TRPM3: variants seen among roughly 807,000 people sequenced by gnomAD.
The protein encoded by TRPM3 is transient receptor potential cation channel subfamily M member 3, also known as long transient receptor potential channel 3.
In TRPM3, 77 loss-of-function variants were observed where a neutral mutation model predicts 181.2. That is an observed-to-expected ratio of 0.42 (90% CI 0.35 to 0.51). The LOEUF (loss-of-function observed/expected upper bound fraction) is 0.51. Among genes scored for constraint, TRPM3 ranks in the 20% least tolerant of loss-of-function variants. The pLI is 0.01. For missense variants in TRPM3, 1,759 were observed against 2,196.7 expected (o/e 0.80, Z 3.98); for synonymous variants, 745 against 796.4 (o/e 0.94, Z 1.09).
At chr9:71,019,550 T>C (rs1484246048) in intron 1 of TRPM3, among the ~76,000 whole-genome samples, 2 of 151,930 alleles carry the variant, frequency 1.3e-5, no homozygotes, top group Admixed American at 1.3e-4. Flanking sequence ...CCCAGAAAAA[T>C]ACAAAAATAT....
At chr9:70,692,561 A>G (rs761883015) in intron 8 of TRPM3, among the ~76,000 whole-genome samples, 3 of 152,214 alleles carry the variant, frequency 2.0e-5, no homozygotes, top group African/African-American at 4.8e-5. Flanking sequence ...CTAAAATGGC[A>G]CTGCAAAACA....
chr9:71,148,091 T>G (rs2075526230), intron 1 of TRPM3, among the ~76,000 whole-genome samples: 1 of 128,346 alleles, frequency 7.8e-6, no homozygotes, highest in South Asian at 2.9e-4. Context: ...GAGAGTAGTG[T>G]AAAAGAATTT....
intron 1 of TRPM3, among the ~76,000 whole-genome samples, chr9:71,035,801 G>C (rs2058110474): frequency 6.6e-6 from 1 of 151,934 alleles, no homozygotes; most frequent in Admixed American, 6.6e-5. Flanking sequence ...CTGTAGTAAG[G>C]ACCTCTCAGA....
chr9:70,750,935 A>G lies in TRPM3; in HGVS notation c.1272+10666T>C, dbSNP rs7031183. Among the ~76,000 whole-genome samples the G allele has an allele frequency of 6.8e-3, 1,032 of 152,230 alleles. 15 individuals are homozygous for G. The highest frequency in any genetic ancestry group is 0.024 in the African/African-American group (990 of 41,552). On this transcript the variant is annotated intron_variant, in intron 8 of 25. Transcript: ENST00000677713. ...GAAATAGTTTTGTGAATAATCTCCA[A>G]TGAGGTTGTTGGTGAAGCCAACAGG...
intron 9 of TRPM3, among the ~76,000 whole-genome samples, chr9:70,648,747 G>A (rs548487985): frequency 6.6e-6 from 1 of 152,146 alleles, no homozygotes; most frequent in Non-Finnish European, 1.5e-5. Context: ...ATAGGGCAAG[G>A]ACTCTCTATT....
At chr9:71,020,537 A>G (rs970093571) in intron 1 of TRPM3, among the ~76,000 whole-genome samples, 2 of 152,148 alleles carry the variant, frequency 1.3e-5, no homozygotes, top group South Asian at 4.1e-4. Flanking sequence ...AACACTAAAA[A>G]TGGGATGATT....
At chr9:70,657,808 G>A (rs112979898) in intron 9 of TRPM3, among the ~76,000 whole-genome samples, 2,935 of 152,120 alleles carry the variant, frequency 0.019, 107 homozygotes, top group African/African-American at 0.065. Flanking sequence ...AGAAGACGCC[G>A]ATCAAAGTAA....
Position 70,598,688 on chromosome 9 carries a change from G to A in TRPM3, c.2797-18C>T. The A allele has an allele frequency of 1.2e-6, 2 of 1,609,946 alleles. No homozygotes were observed. Among genetic ancestry groups the A allele is most frequent in the Non-Finnish European group, 1.7e-6 (2 of 1,176,916 alleles). On this transcript the variant is annotated intron_variant, in intron 20 of 25. Coordinates refer to ENST00000677713, the MANE Select transcript of TRPM3 (RefSeq NM_001366145.2). Reference sequence around the variant, plus strand: ...ATCAGAATCTATAAGGCAGGAAGGAGAGCAGAGTTAGGTCTGGTTTCTGTC... The same window carrying A: ...ATCAGAATCTATAAGGCAGGAAGGAAAGCAGAGTTAGGTCTGGTTTCTGTC...
chr9:71,324,383 T>G (rs914034829), intron 1 of TRPM3, among the ~76,000 whole-genome samples: 1 of 152,072 alleles, frequency 6.6e-6, no homozygotes, highest in Non-Finnish European at 1.5e-5. Context: ...ACACCACTAA[T>G]CAGAGAAATA....
chr9:70,793,490 AT>A lies in TRPM3; in HGVS notation c.974-9212del, dbSNP rs71367230. On this transcript the variant is annotated intron_variant, in intron 6 of 25. Coordinates refer to ENST00000677713, the MANE Select transcript of TRPM3 (RefSeq NM_001366145.2). The stretch of plus-strand genomic sequence containing the variant: ...AAAAAATATATATATATATATATAT[AT>A]AAAACACATATGTATATGTATGCAT... 639 of 148,756 alleles carry A rather than the reference AT, an allele frequency of 4.3e-3. 36 individuals carry two copies. Among genetic ancestry groups the A allele is most frequent in the South Asian group, 0.016 (94 of 6,044 alleles). 9.2% of individuals were successfully genotyped at this position (148,756 alleles called of 1,614,324 possible).
chr9:70,742,095 A>G (rs34009627), intron 8 of TRPM3, among the ~76,000 whole-genome samples: 33,342 of 152,062 alleles, frequency 0.22, 4,495 homozygotes, highest in Non-Finnish European at 0.3. Context: ...ATGACCTATT[A>G]CTTGTTCATT....
At chr9:70,981,255 C>A (rs777121311) in intron 1 of TRPM3, among the ~76,000 whole-genome samples, 1 of 152,064 alleles carries the variant, frequency 6.6e-6, no homozygotes, top group East Asian at 1.9e-4. Flanking sequence ...AGTTTTATAG[C>A]GTAGAAGAGC....
chr9:71,205,396 A>C (rs1055365084), intron 1 of TRPM3, among the ~76,000 whole-genome samples: 1 of 152,120 alleles, frequency 6.6e-6, no homozygotes, highest in Non-Finnish European at 1.5e-5. Context: ...GTTCCACTCT[A>C]AACTTGTTTG....
intron 1 of TRPM3, among the ~76,000 whole-genome samples, chr9:71,298,366 T>C (rs1386193494): frequency 6.6e-6 from 1 of 152,136 alleles, no homozygotes; most frequent in African/African-American, 2.4e-5. Context: ...GAGATATTTG[T>C]CTAAGCTCAA....
chr9:71,199,084 G>T (rs1315761623), intron 1 of TRPM3, among the ~76,000 whole-genome samples: 1 of 150,896 alleles, frequency 6.6e-6, no homozygotes, highest in African/African-American at 2.4e-5. Context: ...TAGCATGAAG[G>T]GTTGTTGAAT....
At chr9:70,887,550 C>T (rs1438602572) in intron 1 of TRPM3, among the ~76,000 whole-genome samples, 2 of 152,108 alleles carry the variant, frequency 1.3e-5, no homozygotes, top group Non-Finnish European at 2.9e-5. Flanking sequence ...TTATGTAGTA[C>T]TTCAGGAGAG....
chr9:71,139,944 G>T (rs528614313), intron 1 of TRPM3, among the ~76,000 whole-genome samples: 13 of 152,220 alleles, frequency 8.5e-5, no homozygotes, highest in Non-Finnish European at 5.9e-5. Flanking sequence ...AATGAAAAAA[G>T]CATCCAAGCT....
chr9:70,539,908 C>T (rs933715172), intron 25 of TRPM3, among the ~76,000 whole-genome samples: 15 of 152,326 alleles, frequency 9.8e-5, no homozygotes, highest in South Asian at 6.2e-4. Context: ...AAACATGGCT[C>T]ACTGCAACCT....
At chr9:71,322,228 G>A (rs1228994648) in intron 1 of TRPM3, among the ~76,000 whole-genome samples, 1 of 152,044 alleles carries the variant, frequency 6.6e-6, no homozygotes, top group African/African-American at 2.4e-5. Flanking sequence ...ATGTTTAGCA[G>A]TGGTCTTAAC....
Sources: allele counts gnomAD v4.1 joint callset (sites outside exome capture counted in the v4.1 genomes callset), GRCh38; gene constraint gnomAD v4.1.1; transcripts MANE v1.5; gene names NCBI Gene and HGNC (gene_info 2026-07-23, HGNC 2026-07-21).